FREM3: variants seen among roughly 807,000 people sequenced by gnomAD.
FREM3 encodes FRAS1 related extracellular matrix 3.
In FREM3, 105 loss-of-function variants were observed where a neutral mutation model predicts 129.1. The observed-to-expected ratio is 0.81, with a 90% CI of 0.69 to 0.96. The LOEUF is 0.96. Ranked by LOEUF, FREM3 falls within the 40% of genes least tolerant of loss-of-function variation. The pLI is 0.00. For missense variants in FREM3, 2,593 were observed against 2,666.3 expected (o/e 0.97, Z 0.61); for synonymous variants, 1,014 against 1,044.9 (o/e 0.97, Z 0.57).
At chr4:143,669,362 G>T (rs1739924267) in intron 2 of FREM3, among the ~76,000 whole-genome samples, 1 of 152,202 alleles carries the variant, frequency 6.6e-6, no homozygotes, top group South Asian at 2.1e-4. Flanking sequence ...CTGGAGTGCA[G>T]TGGCTTGGTC....
In FREM3 at chr4:143,695,864, G is replaced by A. The variant is rs1212649538; in HGVS notation, c.4812C>T (p.Asn1604=). The A allele has an allele frequency of 3.3e-6, 5 of 1,537,448 alleles. No homozygotes were observed. In the South Asian group the frequency reaches 4.8e-5, roughly 15 times the overall value. The change falls in exon 1 of 8, where the codon AAC becomes AAT. Residue 1604 remains asparagine (N), a synonymous_variant. Coordinates refer to ENST00000329798, the MANE Select transcript of FREM3 (RefSeq NM_001168235.2). The part of the protein sequence containing the change: ...TTFTKQDLNK[N]LISYKHDGSE... Reference sequence around the variant, plus strand: ...TGCCGTCATGCTTGTAGCTAATCAGGTTCTTGTTCAGGTCTTGCTTGGTGA... The same window carrying A: ...TGCCGTCATGCTTGTAGCTAATCAGATTCTTGTTCAGGTCTTGCTTGGTGA...
chr4:143,677,588 C>A (rs1053440190), intron 2 of FREM3, among the ~76,000 whole-genome samples: 8 of 152,182 alleles, frequency 5.3e-5, no homozygotes, highest in African/African-American at 1.7e-4. Flanking sequence ...AAAGAAACTA[C>A]CGTCAGAGTG....
chr4:143,659,089 TTTATTA>T (rs34321854), intron 2 of FREM3, among the ~76,000 whole-genome samples: 2,598 of 141,452 alleles, frequency 0.018, 69 homozygotes, highest in African/African-American at 0.063. Flanking sequence ...ATTATTTTTA[TTTATTA>T]TTATTATTAT....
rs56174563 is a variant in FREM3, at chr4:143,675,866, C to A, written c.5275+17247G>T. ...GAAGAAGTTGAATCTCTGAATAGAC[C>A]AATAACAGGCTCTGAAACTGAGGCA... On this transcript the variant is annotated intron_variant, in intron 2 of 7. Transcript: ENST00000329798. 8.6e-3 allele frequency among the ~76,000 whole-genome samples: 1,306 copies of A among 152,122 alleles called. 16 individuals carry two copies. The highest frequency in any genetic ancestry group is 0.03 in the African/African-American group (1,228 of 41,502).
At chr4:143,592,184 C>A (rs1031091973) in intron 6 of FREM3, among the ~76,000 whole-genome samples, 5 of 151,996 alleles carry the variant, frequency 3.3e-5, no homozygotes, top group African/African-American at 1.2e-4. Context: ...TGGGTCTTGA[C>A]GCTTTATCTA....
chr4:143,591,834 G>A (rs569331624), intron 6 of FREM3, among the ~76,000 whole-genome samples: 11 of 152,266 alleles, frequency 7.2e-5, no homozygotes, highest in African/African-American at 1.7e-4. Flanking sequence ...AATGTTGACA[G>A]TCGGGTGTTA....
chr4:143,624,754 G>A (rs942092981), intron 3 of FREM3, among the ~76,000 whole-genome samples: 6 of 152,262 alleles, frequency 3.9e-5, no homozygotes, highest in Non-Finnish European at 4.4e-5. Flanking sequence ...ATCTTTGACC[G>A]TTGTGTTCAC....
chr4:143,625,034 C>T (rs544055559), intron 3 of FREM3, among the ~76,000 whole-genome samples: 1 of 152,022 alleles, frequency 6.6e-6, no homozygotes, highest in South Asian at 2.1e-4. Flanking sequence ...GATTTGAGCT[C>T]TGTTAGGAAA....
intron 2 of FREM3, among the ~76,000 whole-genome samples, chr4:143,661,090 G>A (rs1358171003): frequency 6.6e-6 from 1 of 152,194 alleles, no homozygotes; most frequent in African/African-American, 2.4e-5. Context: ...TTCGCTGCCT[G>A]ATTGCCCTGG....
Position 143,700,523 on chromosome 4 carries a change from C to A in FREM3, c.153G>T (p.Ala51=). Residue 51 remains alanine (A), a synonymous_variant, in exon 1 of 8, where the codon GCG becomes GCT. Coordinates refer to ENST00000329798, the MANE Select transcript of FREM3 (RefSeq NM_001168235.2). ...GGCCGTCGGGGCGAGTGCCGTCAAG[C>A]GCACCCCGGGCGGGCAGGTAAAGCG... ...DPALYLPARG[A]LDGTRPDGPS... 1 of 1,518,944 alleles carries A rather than the reference C, an allele frequency of 6.6e-7. No individual in the cohort carries two copies. 94.1% of individuals were successfully genotyped at this position (1,518,944 alleles called of 1,614,324 possible).
intron 4 of FREM3, among the ~76,000 whole-genome samples, chr4:143,621,387 G>C (rs556503499): frequency 2.0e-5 from 3 of 152,264 alleles, no homozygotes; most frequent in African/African-American, 7.2e-5. Context: ...AGAAAGGACA[G>C]CCAGCATTAA....
At chr4:143,693,641 T>A (rs1032480076) in intron 1 of FREM3, among the ~76,000 whole-genome samples, 3 of 152,198 alleles carry the variant, frequency 2.0e-5, no homozygotes, top group Non-Finnish European at 4.4e-5. Context: ...TAAAGACACA[T>A]GCATGCAAAT....
chr4:143,624,862 G>T (rs1448622467), intron 3 of FREM3, among the ~76,000 whole-genome samples: 1 of 152,112 alleles, frequency 6.6e-6, no homozygotes, highest in Non-Finnish European at 1.5e-5. Context: ...TTCAATTTCT[G>T]CAGCCTTTGG....
chr4:143,582,813 C>A lies in FREM3; in HGVS notation c.6178+3031G>T, dbSNP rs78495255. ...ACTGAAAGATGAAATGAAGAAAGAA[C>A]CAACAGATCTGATAGAGCTGAAAAC... On this transcript the variant is annotated intron_variant, in intron 7 of 7. Coordinates refer to ENST00000329798, the MANE Select transcript of FREM3 (RefSeq NM_001168235.2). Among the ~76,000 whole-genome samples, 277 of 151,846 alleles carry A rather than the reference C, an allele frequency of 1.8e-3. 1 individual carries two copies. The highest frequency in any genetic ancestry group is 6.5e-3 in the African/African-American group (271 of 41,462).
Position 143,696,206 on chromosome 4 carries a change from T to A in FREM3, c.4470A>T (p.Gln1490His), listed in dbSNP as rs768359174. Residue 1490 changes from glutamine to histidine, a missense_variant, in exon 1 of 8, where the codon CAA becomes CAT. Coordinates refer to ENST00000329798, the MANE Select transcript of FREM3 (RefSeq NM_001168235.2). ...CATAGGATATTTTGTTGCTAGCCAA[T>A]TGAAGTTGAGTGAAAGAGGCAATGG... ...GEPIASFTQL[Q>H]LASNKISYVH... 4.6e-6 allele frequency: 7 copies of A among 1,537,758 alleles called. No individual in the cohort carries two copies. Among genetic ancestry groups the A allele is most frequent in the South Asian group, 3.6e-5 (3 of 84,068 alleles).
At chr4:143,608,155 G>A (rs143006000) in intron 6 of FREM3, among the ~76,000 whole-genome samples, 178 of 152,214 alleles carry the variant, frequency 1.2e-3, no homozygotes, top group African/African-American at 4.0e-3. Flanking sequence ...TGAAAAGTCC[G>A]TTTTGCCATG....
chr4:143,691,791 G>A (rs1740475939), intron 2 of FREM3, among the ~76,000 whole-genome samples: 1 of 152,096 alleles, frequency 6.6e-6, no homozygotes, highest in East Asian at 1.9e-4. Flanking sequence ...TGTTTGTAAC[G>A]TTGTCCACAA....
intron 2 of FREM3, among the ~76,000 whole-genome samples, chr4:143,674,668 A>G (rs1012963828): frequency 2.6e-5 from 4 of 152,324 alleles, no homozygotes; most frequent in Non-Finnish European, 5.9e-5. Context: ...AGAGACACAC[A>G]TAGACTCAAA....
intron 2 of FREM3, among the ~76,000 whole-genome samples, chr4:143,685,410 T>C (rs547869585): frequency 1.8e-4 from 27 of 152,236 alleles, no homozygotes; most frequent in Admixed American, 1.2e-3. Context: ...GCATCATATA[T>C]GAAGGAAAGA....
Sources: gnomAD v4.1 joint callset for allele counts (sites outside exome capture counted in the v4.1 genomes callset) on GRCh38, gnomAD v4.1.1 for gene constraint, MANE v1.5 for transcripts, NCBI Gene and HGNC (gene_info 2026-07-23, HGNC 2026-07-21) for gene names.